LOXL1: variants seen among roughly 807,000 people sequenced by gnomAD.
LOXL1 encodes lysyl oxidase homolog 1.
LOXL1 carries 31 observed loss-of-function variants against 62.2 expected under a neutral mutation model. The ratio of observed to expected loss-of-function variants is 0.50; its 90% CI spans 0.37 to 0.67. The LOEUF (loss-of-function observed/expected upper bound fraction) is 0.67, where lower values mean the gene tolerates loss of function less well. Among genes scored for constraint, LOXL1 ranks in the 30% least tolerant of loss-of-function variants. LOXL1 has a pLI of 0.00. For missense variants in LOXL1, 775 were observed against 843.4 expected (o/e 0.92, Z 1.00); for synonymous variants, 403 against 384.4 (o/e 1.05, Z -0.56).
chr15:73,946,034 C>G (rs536649285), intron 2 of LOXL1, among the ~76,000 whole-genome samples: 2 of 152,200 alleles, frequency 1.3e-5, no homozygotes, highest in Non-Finnish European at 2.9e-5. Context: ...GCCTGGCCCC[C>G]GCAATAGGGC....
At chr15:73,951,270 C>T (rs1418314484) in intron 6 of LOXL1, among the ~76,000 whole-genome samples, 1 of 152,216 alleles carries the variant, frequency 6.6e-6, no homozygotes, top group Non-Finnish European at 1.5e-5. Flanking sequence ...CTGCGCGGCC[C>T]TCCCAGCTCC....
intron 3 of LOXL1, 125 bp downstream of exon 3, chr15:73,946,679 G>A (rs1164473787): frequency 9.2e-6 from 11 of 1,197,656 alleles, no homozygotes. Context: ...GAGGGCCCGG[G>A]GAGGTGTTAC....
At chr15:73,938,440 G>A (rs1338476044) in intron 1 of LOXL1, among the ~76,000 whole-genome samples, 2 of 139,504 alleles carry the variant, frequency 1.4e-5, no homozygotes, top group East Asian at 1.9e-4. Context: ...GACTGGGCTC[G>A]GTGGCTCACC....
rs1035655384 is a variant in LOXL1, at chr15:73,927,893, C to T, written c.1102+8C>T. 4.1e-5 allele frequency: 53 copies of T among 1,303,932 alleles called. No individual in the cohort carries two copies. The highest frequency in any genetic ancestry group is 4.7e-5 in the Non-Finnish European group (49 of 1,031,832). 80.8% of individuals were successfully genotyped at this position (1,303,932 alleles called of 1,614,324 possible). A position where few individuals can be genotyped will look rare whatever the true frequency, so the allele number is the denominator to read the frequency against. On this transcript the variant is annotated splice_region_variant and intron_variant, in intron 1 of 6. Coordinates refer to ENST00000261921, the MANE Select transcript of LOXL1 (RefSeq NM_005576.4). ...CCAACCAGAACGGCCGCGGTGAGTACGGCCCCGGCGCCCCTCCGGCCGCGC... is the reference window on the plus strand; with the variant it reads ...CCAACCAGAACGGCCGCGGTGAGTATGGCCCCGGCGCCCCTCCGGCCGCGC...
In LOXL1 at chr15:73,926,789, T is replaced by C; in HGVS notation, c.6T>C (p.Ala2=). ...GCCTCTGCAGAGGGGTCACCATGGCTCTGGCCCGAGGCAGCCGGCAGCTGG... is the reference window on the plus strand; with the variant it reads ...GCCTCTGCAGAGGGGTCACCATGGCCCTGGCCCGAGGCAGCCGGCAGCTGG... M[A]LARGSRQLGA... Residue 2 remains alanine (A), a synonymous_variant, in exon 1 of 7, where the codon GCT becomes GCC. Transcript: ENST00000261921. The C allele has an allele frequency of 6.9e-7, 1 of 1,447,822 alleles. No individual in the cohort carries two copies. The allele number at this position is 1,447,822 out of a possible 1,614,324, so 89.7% of individuals were successfully genotyped here.
At chr15:73,934,016 A>G (rs2068653324) in intron 1 of LOXL1, among the ~76,000 whole-genome samples, 1 of 152,218 alleles carries the variant, frequency 6.6e-6, no homozygotes, top group South Asian at 2.1e-4. Flanking sequence ...TTGCAGTACC[A>G]CTTGGAAATG....
intron 3 of LOXL1, 112 bp downstream of exon 3, chr15:73,946,666 T>C: frequency 7.7e-7 from 1 of 1,296,080 alleles, no homozygotes; most frequent in Non-Finnish European, 1.1e-6. Context: ...AGATACTGGA[T>C]TAGAGGGCCC....
At chr15:73,928,556 G>A (rs2068609987) in intron 1 of LOXL1, among the ~76,000 whole-genome samples, 1 of 141,466 alleles carries the variant, frequency 7.1e-6, no homozygotes, top group African/African-American at 2.6e-5. Flanking sequence ...CACAGTAGTT[G>A]AGATGAGTAA....
Position 73,927,026 on chromosome 15 carries a change from C to G in LOXL1, c.243C>G (p.Pro81=). ...CCCGGGTGCTGCTGGCCGGCGCGCC[C>G]CAGGCCCAGCAGCGGCGCAGCCACG... ...SSSRVLLAGA[P]QAQQRRSHGS... is the part of the protein sequence containing the mutation. Residue 81 remains proline (P), a synonymous_variant, in exon 1 of 7, where the codon CCC becomes CCG. Coordinates refer to ENST00000261921, the MANE Select transcript of LOXL1 (RefSeq NM_005576.4). 1.4e-6 allele frequency: 2 copies of G among 1,406,524 alleles called. No homozygotes were observed. The highest frequency in any genetic ancestry group is 1.9e-6 in the Non-Finnish European group (2 of 1,068,896). The allele number at this position is 1,406,524 out of a possible 1,614,324, so 87.1% of individuals were successfully genotyped here. A position where few individuals can be genotyped will look rare whatever the true frequency, so the allele number is the denominator to read the frequency against.
In LOXL1 at chr15:73,936,558, G is replaced by GC. The variant is rs1196739862; in HGVS notation, c.1103-6293dup. Among the ~76,000 whole-genome samples the GC allele has an allele frequency of 8.5e-5, 13 of 152,326 alleles. No homozygotes were observed. In the East Asian group the frequency reaches 2.5e-3, roughly 29 times the overall value. On this transcript the variant is annotated intron_variant, in intron 1 of 6. Transcript: ENST00000261921. ...CCTCCTGGACTTTGTTTATCCTCCA[G>GC]CCCTGGGCTCAAGAGATTAGGGCTC...
intron 6 of LOXL1, among the ~76,000 whole-genome samples, chr15:73,950,628 A>G (rs1249944184): frequency 6.6e-6 from 1 of 152,128 alleles, no homozygotes. Context: ...GTCAGGGCTC[A>G]GTCTGTGACC....
chr15:73,939,389 C>T (rs2068698084), intron 1 of LOXL1, among the ~76,000 whole-genome samples: 1 of 152,128 alleles, frequency 6.6e-6, no homozygotes. Flanking sequence ...CAGCAGCTTC[C>T]CCGAGCTGCT....
intron 1 of LOXL1, among the ~76,000 whole-genome samples, chr15:73,932,308 C>T (rs536034221): frequency 1.2e-3 from 179 of 152,258 alleles, no homozygotes; most frequent in African/African-American, 4.1e-3. Flanking sequence ...GATGTGGTGA[C>T]GAGCTCACTT....
chr15:73,932,776 G>A (rs996828453), intron 1 of LOXL1, among the ~76,000 whole-genome samples: 2 of 152,248 alleles, frequency 1.3e-5, no homozygotes, highest in Non-Finnish European at 1.5e-5. Flanking sequence ...ACTTGCCCTG[G>A]AGGCAGAATC....
chr15:73,926,835 T>C lies in LOXL1; in HGVS notation c.52T>C (p.Cys18Arg), dbSNP rs957356864. ...GCTGGGGGCCCTGGTGTGGGGCGCC[T>C]GCCTGTGCGTGCTGGTGCACGGGCA... ...RQLGALVWGA[C>R]LCVLVHGQQA... is the part of the protein sequence containing the mutation. Residue 18 changes from cysteine to arginine, a missense_variant, in exon 1 of 7, where the codon TGC becomes CGC. Physicochemically the swap from Cys to Arg is radical, Grantham distance 180. Transcript: ENST00000261921. 4 of 1,532,874 alleles carry C rather than the reference T, an allele frequency of 2.6e-6. No individual in the cohort carries two copies. In the African/African-American group the frequency reaches 5.6e-5, roughly 21 times the overall value. The allele number at this position is 1,532,874 out of a possible 1,614,324, so 95.0% of individuals were successfully genotyped here. A position where few individuals can be genotyped will look rare whatever the true frequency, so the allele number is the denominator to read the frequency against.
chr15:73,947,795 T>C lies in LOXL1; in HGVS notation c.1507-12T>C. The stretch of plus-strand genomic sequence containing the variant: ...AGCAGCATCACAGCCGCTCCTCTTG[T>C]CCCTTTCCCAGGGCCTGAGCCCAGG... On this transcript the variant is annotated splice_polypyrimidine_tract_variant and intron_variant, in intron 4 of 6. Transcript: ENST00000261921. 1 of 1,589,626 alleles carries C rather than the reference T, an allele frequency of 6.3e-7. No homozygotes were observed. Among genetic ancestry groups the C allele is most frequent in the Non-Finnish European group, 8.6e-7 (1 of 1,160,498 alleles).
Position 73,926,804 on chromosome 15 carries a change from C to A in LOXL1, c.21C>A (p.Ser7Arg). The change falls in exon 1 of 7, where the codon AGC becomes AGA. Residue 7 changes from serine (S) to arginine (R), a missense_variant. Transcript: ENST00000261921. Reference protein sequence around the residue: MALARGSRQLGALVWGA... With the variant: MALARGRRQLGALVWGA... ...TCACCATGGCTCTGGCCCGAGGCAG[C>A]CGGCAGCTGGGGGCCCTGGTGTGGG... The A allele has an allele frequency of 2.0e-6, 3 of 1,480,514 alleles. No individual in the cohort carries two copies. Among genetic ancestry groups the A allele is most frequent in the Non-Finnish European group, 2.7e-6 (3 of 1,114,866 alleles). The allele number at this position is 1,480,514 out of a possible 1,614,324, so 91.7% of individuals were successfully genotyped here.
At position 73,927,156 on chromosome 15, in the gene LOXL1, C is replaced by T; in HGVS notation, c.373C>T (p.Pro125Ser). 6.6e-7 allele frequency: 1 copy of T among 1,521,458 alleles called. No individual in the cohort carries two copies. The highest frequency in any genetic ancestry group is 8.8e-7 in the Non-Finnish European group (1 of 1,134,636). The allele number at this position is 1,521,458 out of a possible 1,614,324, so 94.2% of individuals were successfully genotyped here. ...GCACCCATTCGGCTTTGGCCAGGTG[C>T]CCGACAACTGGCGCGAGGTGGCCGT... ...ARHPFGFGQV[P>S]DNWREVAVGD... The change falls in exon 1 of 7, where the codon CCC becomes TCC. Residue 125 changes from proline (P) to serine (S), a missense_variant. Physicochemically the swap from Pro to Ser is moderately conservative, Grantham distance 74. Coordinates refer to ENST00000261921, the MANE Select transcript of LOXL1 (RefSeq NM_005576.4).
chr15:73,930,212 T>A lies in LOXL1; in HGVS notation c.1102+2327T>A, dbSNP rs1238124687. Among the ~76,000 whole-genome samples, 3 of 152,186 alleles carry A rather than the reference T, an allele frequency of 2.0e-5. No homozygotes were observed. The highest frequency in any genetic ancestry group is 7.2e-5 in the African/African-American group (3 of 41,460). On this transcript the variant is annotated intron_variant, in intron 1 of 6. Transcript: ENST00000261921. The surrounding 1 kb of genome is among the most constrained non-coding windows in gnomAD (Gnocchi z 4.7). ...AGCATTGGTGGGGCCAGGGGCTTTG[T>A]GAGCCCAGAGGAGGGCCCTCCCTGT... is the stretch of plus-strand genomic sequence containing the variant.
Sources: allele counts gnomAD v4.1 joint callset (sites outside exome capture counted in the v4.1 genomes callset), GRCh38; gene constraint gnomAD v4.1.1; non-coding constraint Gnocchi (gnomAD v3.1); transcripts MANE v1.5; gene names NCBI Gene and HGNC (gene_info 2026-07-23, HGNC 2026-07-21).